TCF7L1: variants seen among roughly 807,000 people sequenced by gnomAD.
The protein encoded by TCF7L1 is transcription factor 7-like 1.
A neutral mutation model predicts 63.7 loss-of-function variants in TCF7L1; 18 were observed. The ratio of observed to expected loss-of-function variants is 0.28; its 90% CI spans 0.20 to 0.42. The LOEUF (loss-of-function observed/expected upper bound fraction) is 0.42, where lower values mean the gene tolerates loss of function less well. Ranked by LOEUF, TCF7L1 falls within the 10% of genes least tolerant of loss-of-function variation. The pLI is 1.00. For missense variants in TCF7L1, 654 were observed against 779.3 expected (o/e 0.84, Z 1.91); for synonymous variants, 355 against 340.9 (o/e 1.04, Z -0.46).
chr2:85,190,255 T>A (rs190370492), intron 3 of TCF7L1, among the ~76,000 whole-genome samples: 54 of 152,284 alleles, frequency 3.5e-4, no homozygotes, highest in African/African-American at 1.1e-3. Context: ...TGGGGTGTGA[T>A]CACCTTACTG....
intron 3 of TCF7L1, among the ~76,000 whole-genome samples, chr2:85,200,569 A>G (rs1055171692): frequency 6.6e-6 from 1 of 152,240 alleles, no homozygotes; most frequent in East Asian, 1.9e-4. Context: ...GCAGACCTCA[A>G]TTTCTGGTAC....
intron 3 of TCF7L1, among the ~76,000 whole-genome samples, chr2:85,282,160 G>GT (rs1432063231): frequency 1.3e-5 from 2 of 152,008 alleles, no homozygotes; most frequent in South Asian, 2.1e-4. Context: ...GCTATTTTTT[G>GT]TTTTTTTAGT....
chr2:85,306,098 C>T lies in TCF7L1; in HGVS notation c.990-108C>T. 1 of 1,352,780 alleles carries T rather than the reference C, an allele frequency of 7.4e-7. No individual in the cohort carries two copies. The highest frequency in any genetic ancestry group is 1.3e-5 in the South Asian group (1 of 74,792). 83.8% of individuals were successfully genotyped at this position (1,352,780 alleles called of 1,614,324 possible). On this transcript the variant is annotated intron_variant, in intron 8 of 11. Coordinates refer to ENST00000282111, the MANE Select transcript of TCF7L1 (RefSeq NM_031283.3). This position sits in a 1 kb window ranked among gnomAD's most constrained non-coding sequence, Gnocchi z 4.3. Reference sequence around the variant, plus strand: ...GGGGCCACTTGAATTAGCATCCAGGCAGCCCGCGCCCCTCCCCAGAGACAA... The same window carrying T: ...GGGGCCACTTGAATTAGCATCCAGGTAGCCCGCGCCCCTCCCCAGAGACAA...
chr2:85,134,124 G>T lies in TCF7L1; in HGVS notation c.313+45G>T. The T allele has an allele frequency of 6.3e-7, 1 of 1,598,080 alleles. No individual in the cohort carries two copies. The highest frequency in any genetic ancestry group is 8.5e-7 in the Non-Finnish European group (1 of 1,172,904). ...GCCCCCCACTCTCGATTCCCGCTGC[G>T]CTCCGCTGCTCAGCCCGGGCGGCCC... On this transcript the variant is annotated intron_variant, in intron 2 of 11. Coordinates refer to ENST00000282111, the MANE Select transcript of TCF7L1 (RefSeq NM_031283.3). The surrounding 1 kb of genome is among the most constrained non-coding windows in gnomAD (Gnocchi z 5.0).
intron 3 of TCF7L1, among the ~76,000 whole-genome samples, chr2:85,202,246 G>A (rs1163856103): frequency 6.6e-6 from 1 of 152,140 alleles, no homozygotes; most frequent in Non-Finnish European, 1.5e-5. Context: ...TTACAGGCAT[G>A]AGCCACCATG....
intron 3 of TCF7L1, among the ~76,000 whole-genome samples, chr2:85,158,522 G>A (rs971238655): frequency 6.6e-6 from 1 of 152,224 alleles, no homozygotes; most frequent in Non-Finnish European, 1.5e-5. Flanking sequence ...CCTGAGAGAG[G>A]TTGGGGGCAG....
intron 11 of TCF7L1, among the ~76,000 whole-genome samples, chr2:85,308,647 C>A (rs560159206): frequency 6.6e-6 from 1 of 151,996 alleles, no homozygotes; most frequent in Admixed American, 6.6e-5. Flanking sequence ...TGCTACAGAA[C>A]CCGCTGTCTG....
rs1180060729 is a variant in TCF7L1, at chr2:85,305,379, C to G, written c.965C>G (p.Pro322Arg). Residue 322 changes from proline to arginine, a missense_variant, in exon 8 of 12, where the codon CCC (proline) becomes CGC (arginine). This residue lies in a region of TCF7L1 where 404 missense variants were observed against 454.8 expected (regional missense o/e 0.89). Transcript: ENST00000282111. ...ATCGTCAAGCAGGAACCGGCACCCC[C>G]CAGCCTGAGCCCTGCAGTGAGCGTG... is the stretch of plus-strand genomic sequence containing the variant. Reference protein sequence around the residue: ...SPIVKQEPAPPSLSPAVSVKS... With the variant: ...SPIVKQEPAPRSLSPAVSVKS... 7 of 1,612,976 alleles carry G rather than the reference C, an allele frequency of 4.3e-6. No individual in the cohort carries two copies. The highest frequency in any genetic ancestry group is 5.9e-6 in the Non-Finnish European group (7 of 1,179,508).
intron 3 of TCF7L1, among the ~76,000 whole-genome samples, chr2:85,193,579 T>G (rs4374376): frequency 2.0e-5 from 3 of 152,182 alleles, no homozygotes; most frequent in Non-Finnish European, 4.4e-5. Context: ...TGGCAGCATT[T>G]GAATAAAGTC....
chr2:85,184,609 G>A (rs1678872769), intron 3 of TCF7L1, among the ~76,000 whole-genome samples: 1 of 152,144 alleles, frequency 6.6e-6, no homozygotes. Flanking sequence ...TTCCTCACCT[G>A]GAGAGCTCCG....
chr2:85,252,544 C>T (rs1680617302), intron 3 of TCF7L1, among the ~76,000 whole-genome samples: 1 of 152,172 alleles, frequency 6.6e-6, no homozygotes, highest in African/African-American at 2.4e-5. Flanking sequence ...TTTGGGGAGC[C>T]TCTGACTCCC....
chr2:85,261,173 G>GTGT (rs1680850655), intron 3 of TCF7L1, among the ~76,000 whole-genome samples: 6 of 123,440 alleles, frequency 4.9e-5, no homozygotes, highest in African/African-American at 1.2e-4. Context: ...TGTGTGTGTG[G>GTGT]TATTTCATAG....
chr2:85,295,119 A>G (rs540490956), intron 4 of TCF7L1, among the ~76,000 whole-genome samples: 5 of 147,886 alleles, frequency 3.4e-5, no homozygotes, highest in African/African-American at 1.2e-4. Context: ...TCCAAAACCC[A>G]TAGCATATCC....
chr2:85,264,595 C>T (rs1349645537), intron 3 of TCF7L1, among the ~76,000 whole-genome samples: 1 of 152,194 alleles, frequency 6.6e-6, no homozygotes, highest in Non-Finnish European at 1.5e-5. Flanking sequence ...CTGTAACCAA[C>T]TTCATGCACA....
At chr2:85,242,169 G>A (rs1680349521) in intron 3 of TCF7L1, among the ~76,000 whole-genome samples, 2 of 152,084 alleles carry the variant, frequency 1.3e-5, no homozygotes, top group Admixed American at 1.3e-4. Context: ...AGGCCCCAGG[G>A]GCTCTGACAT....
chr2:85,272,432 A>G (rs978877705), intron 3 of TCF7L1, among the ~76,000 whole-genome samples: 2 of 152,310 alleles, frequency 1.3e-5, no homozygotes, highest in South Asian at 4.1e-4. Flanking sequence ...TTGGGTGACT[A>G]TGCTTCCAGA....
At chr2:85,209,609 G>A (rs1040801876) in intron 3 of TCF7L1, among the ~76,000 whole-genome samples, 7 of 152,264 alleles carry the variant, frequency 4.6e-5, no homozygotes, top group African/African-American at 1.7e-4. Flanking sequence ...TCAGAGTGTG[G>A]TCCACAGACC....
At chr2:85,287,564 G>A (rs569294875) in intron 4 of TCF7L1, among the ~76,000 whole-genome samples, 6 of 152,228 alleles carry the variant, frequency 3.9e-5, no homozygotes, top group South Asian at 4.2e-4. Context: ...AGCATGAACC[G>A]TTGCCACACA....
At chr2:85,289,916 C>T (rs6756335) in intron 4 of TCF7L1, among the ~76,000 whole-genome samples, 11,290 of 151,158 alleles carry the variant, frequency 0.075, 452 homozygotes, top group South Asian at 0.17. Context: ...TCACGGGATC[C>T]GCGCACCTCA....
Sources: gnomAD v4.1 joint callset for allele counts (sites outside exome capture counted in the v4.1 genomes callset) on GRCh38, gnomAD v4.1.1 for gene constraint, gnomAD v4.1.1 regional missense constraint, Gnocchi (gnomAD v3.1) non-coding constraint, MANE v1.5 for transcripts, NCBI Gene and HGNC (gene_info 2026-07-23, HGNC 2026-07-21) for gene names.